Variants in CCDC12 observed in about 807,000 individuals in gnomAD.
CCDC12 encodes the protein coiled-coil domain containing 12, also known as coiled-coil domain-containing protein 12.
In CCDC12, 28 loss-of-function variants were observed where a neutral mutation model predicts 25.7. That is an observed-to-expected ratio of 1.09 (90% CI 0.81 to 1.50). The LOEUF (loss-of-function observed/expected upper bound fraction) is 1.50. Among genes scored for constraint, CCDC12 ranks in the 40% most tolerant of loss-of-function variants. CCDC12 has a pLI of 0.00. For synonymous variants in CCDC12, 75 were observed against 87.7 expected (o/e 0.86, Z 0.81); for missense variants, 198 against 210.0 (o/e 0.94, Z 0.35).
upstream of CCDC12, among the ~76,000 whole-genome samples, chr3:46,978,973 A>T (rs2035114970): frequency 6.6e-6 from 1 of 151,972 alleles, no homozygotes; most frequent in Non-Finnish European, 1.5e-5. Flanking sequence ...ACAGAGTGAG[A>T]CTCTGTCTCA....
chr3:46,928,054 G>A (rs1160490254), intron 2 of CCDC12, among the ~76,000 whole-genome samples: 1 of 152,140 alleles, frequency 6.6e-6, no homozygotes, highest in Non-Finnish European at 1.5e-5. Flanking sequence ...TTTGAGCCCA[G>A]CCTGGCCAAC....
At chr3:46,949,052 T>TG (rs1471740521) in intron 1 of CCDC12, among the ~76,000 whole-genome samples, 7 of 151,986 alleles carry the variant, frequency 4.6e-5, no homozygotes, top group African/African-American at 7.3e-5. Context: ...ATTCCAGAGG[T>TG]CAATGACCAG....
chr3:46,949,756 C>T (rs1005421109), intron 1 of CCDC12, among the ~76,000 whole-genome samples: 3 of 152,228 alleles, frequency 2.0e-5, no homozygotes, highest in Admixed American at 6.5e-5. Flanking sequence ...TGGCCGGGCA[C>T]AGTGGCTCAC....
At chr3:46,963,604 C>T (rs1156616219) in intron 1 of CCDC12, among the ~76,000 whole-genome samples, 5 of 152,232 alleles carry the variant, frequency 3.3e-5, no homozygotes, top group Non-Finnish European at 5.9e-5. Context: ...CGCAGGCGCG[C>T]GCCGCCACAC....
At chr3:46,951,265 G>C (rs2034104664) in intron 1 of CCDC12, among the ~76,000 whole-genome samples, 1 of 152,178 alleles carries the variant, frequency 6.6e-6, no homozygotes, top group Admixed American at 6.5e-5. Flanking sequence ...AGGACACAAA[G>C]TTCCAGTTAG....
intron 4 of CCDC12, 59 bp downstream of exon 4, chr3:46,923,548 G>C (rs1175975717): frequency 6.4e-7 from 1 of 1,551,904 alleles, no homozygotes; most frequent in South Asian, 1.2e-5. Context: ...AGAGCAAGTG[G>C]CGAAGAGAAA....
chr3:46,946,552 C>T (rs1384734157), intron 1 of CCDC12, among the ~76,000 whole-genome samples: 2 of 152,262 alleles, frequency 1.3e-5, no homozygotes, highest in Non-Finnish European at 2.9e-5. Flanking sequence ...CTGGCCCAGC[C>T]TCACCTGATG....
chr3:46,953,100 A>T (rs1405493644), intron 1 of CCDC12, among the ~76,000 whole-genome samples: 1 of 152,188 alleles, frequency 6.6e-6, no homozygotes, highest in East Asian at 1.9e-4. Flanking sequence ...GAGAGCCCCA[A>T]ATATTGTCAT....
At chr3:46,922,982 G>A in intron 5 of CCDC12, 1 of 227,862 alleles carries the variant, frequency 4.4e-6, no homozygotes, top group Non-Finnish European at 8.5e-6. Flanking sequence ...TGGTAGAACA[G>A]GAACAGAAAA....
intron 3 of CCDC12, chr3:46,924,256 A>T (rs1559547027): frequency 6.6e-6 from 1 of 152,464 alleles, no homozygotes; most frequent in East Asian, 1.9e-4. Flanking sequence ...CCTGGCATTC[A>T]GTGGGCCCAT....
At chr3:46,975,757 T>A (rs2034957514) in intron 1 of CCDC12, among the ~76,000 whole-genome samples, 1 of 150,746 alleles carries the variant, frequency 6.6e-6, no homozygotes, top group Non-Finnish European at 1.5e-5. Flanking sequence ...GGTCTCGATC[T>A]CCTAACCTCG....
Position 46,951,551 on chromosome 3 carries a change from C to T in CCDC12, c.97-10486G>A, listed in dbSNP as rs565343746. 5.0e-3 allele frequency among the ~76,000 whole-genome samples: 754 copies of T among 150,684 alleles called. 2 individuals carry two copies. Among genetic ancestry groups the T allele is most frequent in the Non-Finnish European group, 8.9e-3 (601 of 67,702 alleles). On this transcript the variant is annotated intron_variant, in intron 1 of 6. Coordinates refer to ENST00000683445, the MANE Select transcript of CCDC12 (RefSeq NM_001277074.2). ...ATCCCAGCACTTTGGGAAGCCGAGG[C>T]GGGTGGATCACGAGGTCAGGAGATC...
At chr3:46,947,119 T>C (rs2033938639) in intron 1 of CCDC12, among the ~76,000 whole-genome samples, 1 of 152,146 alleles carries the variant, frequency 6.6e-6, no homozygotes, top group South Asian at 2.1e-4. Flanking sequence ...ATAATGTCCA[T>C]GGGAAACTGC....
intron 1 of CCDC12, among the ~76,000 whole-genome samples, chr3:46,970,611 C>G (rs960800246): frequency 1.3e-5 from 2 of 152,246 alleles, no homozygotes; most frequent in Non-Finnish European, 2.9e-5. Context: ...ACAGCCAGAC[C>G]TCAGCCCCAA....
intron 2 of CCDC12, chr3:46,940,767 C>A: frequency 1.8e-6 from 1 of 566,516 alleles, no homozygotes; most frequent in South Asian, 2.3e-5. Context: ...AAAGAAAATG[C>A]TGGGGGCTGA....
At chr3:46,955,529 A>G (rs1395326604) in intron 1 of CCDC12, among the ~76,000 whole-genome samples, 2 of 152,062 alleles carry the variant, frequency 1.3e-5, no homozygotes, top group African/African-American at 2.4e-5. Context: ...ATGCAGACTG[A>G]GCGGTCAGAG....
At chr3:46,923,303 A>T in intron 5 of CCDC12, 26 bp downstream of exon 5, 1 of 1,472,370 alleles carries the variant, frequency 6.8e-7, no homozygotes, top group Non-Finnish European at 9.0e-7. Flanking sequence ...GTCAGCCTGC[A>T]CCCGCCACGC....
intron 1 of CCDC12, among the ~76,000 whole-genome samples, chr3:46,943,406 A>G (rs1489477144): frequency 6.6e-6 from 1 of 152,202 alleles, no homozygotes; most frequent in Non-Finnish European, 1.5e-5. Flanking sequence ...GGAGCGGCAG[A>G]CACCTGCCCT....
chr3:46,976,400 A>C (rs1404651814), intron 1 of CCDC12: 4 of 1,407,088 alleles, frequency 2.8e-6, no homozygotes, highest in Non-Finnish European at 3.7e-6. Flanking sequence ...CGGGTCGCTG[A>C]CCACTGCCTT....
Sources: allele counts gnomAD v4.1 joint callset (sites outside exome capture counted in the v4.1 genomes callset), GRCh38; gene constraint gnomAD v4.1.1; transcripts MANE v1.5; gene names NCBI Gene and HGNC (gene_info 2026-07-23, HGNC 2026-07-21).